The following UNC79 variants were observed in gnomAD, a reference collection of about 807,000 sequenced individuals.
UNC79 encodes the protein unc-79 subunit of NALCN channel complex.
A neutral mutation model predicts 283.1 loss-of-function variants in UNC79; 37 were observed. That is an observed-to-expected ratio of 0.13 (90% CI 0.10 to 0.17). UNC79 has a LOEUF of 0.17. Among genes scored for constraint, UNC79 ranks in the 10% least tolerant of loss-of-function variants. UNC79 has a pLI of 1.00. For synonymous variants in UNC79, 1,107 were observed against 1,200.2 expected (o/e 0.92, Z 1.61); for missense variants, 2,272 against 3,211.1 (o/e 0.71, Z 7.07).
rs535235954 is a variant in UNC79 at position 93,695,890 on chromosome 14, C to CAAA, written c.7548+1496_7548+1498dup. 2.7e-3 allele frequency among the ~76,000 whole-genome samples: 105 copies of CAAA among 39,428 alleles called. 4 individuals are homozygous for CAAA. The highest frequency in any genetic ancestry group is 6.5e-3 in the African/African-American group (61 of 9,434). The allele number at this position is 39,428 out of a possible 152,430, so 25.9% of individuals were successfully genotyped here. ...TGGGCAACAGGATGAGACTTTGTCT[C>CAAA]AAAAAAAAAAAAAAAAAAAAGCAAA... is the stretch of plus-strand genomic sequence containing the variant. On this transcript the variant is annotated intron_variant, in intron 47 of 48. Coordinates refer to ENST00000555664, the Ensembl canonical transcript of UNC79.
chr14:93,398,119 TTG>T (rs2055035048), intron 1 of UNC79, among the ~76,000 whole-genome samples: 2 of 152,348 alleles, frequency 1.3e-5, no homozygotes, highest in Admixed American at 1.3e-4. Context: ...AAGAGCTTGG[TTG>T]TGTAGTAGTA....
chr14:93,646,395 G>A (rs374104081), intron 34 of UNC79, among the ~76,000 whole-genome samples: 1 of 152,174 alleles, frequency 6.6e-6, no homozygotes, highest in Non-Finnish European at 1.5e-5. Context: ...CCATGAAAAT[G>A]TCTAACTTGA....
chr14:93,544,091 T>C (rs2061494686), intron 14 of UNC79, among the ~76,000 whole-genome samples: 1 of 152,234 alleles, frequency 6.6e-6, no homozygotes, highest in Non-Finnish European at 1.5e-5. Flanking sequence ...GAAGGATTGA[T>C]GTGACATGCT....
At chr14:93,398,662 A>G (rs2055044906) in intron 1 of UNC79, among the ~76,000 whole-genome samples, 1 of 152,216 alleles carries the variant, frequency 6.6e-6, no homozygotes, top group African/African-American at 2.4e-5. Flanking sequence ...ATGAAGGATT[A>G]AATAATGCCA....
At position 93,664,012 on chromosome 14, in the gene UNC79, T is replaced by G. The variant is rs182147066; in HGVS notation, c.6636+1298T>G. Among the ~76,000 whole-genome samples the G allele has an allele frequency of 9.4e-4, 143 of 152,292 alleles. 1 individual carries two copies. Among genetic ancestry groups the G allele is most frequent in the African/African-American group, 3.3e-3 (139 of 41,568 alleles). On this transcript the variant is annotated intron_variant, in intron 40 of 48. Coordinates refer to ENST00000555664, the Ensembl canonical transcript of UNC79. ...TTCAAAATATTCATTACACAGGATA[T>G]CTCCTCATAATCCCTCATAACTTTA...
At chr14:93,413,441 G>T (rs1212261625) in intron 1 of UNC79, among the ~76,000 whole-genome samples, 1 of 150,226 alleles carries the variant, frequency 6.7e-6, no homozygotes, top group Non-Finnish European at 1.5e-5. Flanking sequence ...GGCCATTTGG[G>T]TTGGTTCCAA....
chr14:93,704,366 C>T (rs896991487), intron 47 of UNC79, among the ~76,000 whole-genome samples: 8 of 152,126 alleles, frequency 5.3e-5, no homozygotes, highest in African/African-American at 1.9e-4. Context: ...TGGTAGCTTT[C>T]GAGAGACAAT....
In UNC79 at chr14:93,473,988, T is replaced by C. The variant is rs1034556295; in HGVS notation, c.144-101T>C. On this transcript the variant is annotated intron_variant, in intron 2 of 48. Coordinates refer to ENST00000555664, the Ensembl canonical transcript of UNC79. ...CGTGGCAATTGCATCTTATGTGGAA[T>C]GTATCTGGTGTTTTATTATTTGTTT... The C allele has an allele frequency of 4.4e-6, 6 of 1,357,138 alleles. No individual in the cohort carries two copies. In the Admixed American group the frequency reaches 8.0e-5, roughly 18 times the overall value. The allele number at this position is 1,357,138 out of a possible 1,614,324, so 84.1% of individuals were successfully genotyped here. A position where few individuals can be genotyped will look rare whatever the true frequency, so the allele number is the denominator to read the frequency against.
chr14:93,643,141 G>A (rs960268032), intron 33 of UNC79, among the ~76,000 whole-genome samples: 6 of 152,280 alleles, frequency 3.9e-5, no homozygotes, highest in South Asian at 2.1e-4. Context: ...GCCTCCATCC[G>A]TGCCTAAGCA....
chr14:93,362,167 A>G (rs2054241395), intron 1 of UNC79, among the ~76,000 whole-genome samples: 1 of 152,070 alleles, frequency 6.6e-6, no homozygotes, highest in Non-Finnish European at 1.5e-5. Context: ...ATCGTGTCTC[A>G]CCAGGTTTTG....
chr14:93,580,083 C>T (rs1183124478), intron 18 of UNC79, 66 bp from the exon 19 acceptor site: 2 of 1,435,640 alleles, frequency 1.4e-6, no homozygotes, highest in Non-Finnish European at 9.4e-7. Flanking sequence ...ACAAATGGAC[C>T]AAACTCCTTC....
chr14:93,467,458 T>C lies in UNC79; in HGVS notation c.23-213T>C, dbSNP rs115140857. Among the ~76,000 whole-genome samples, 410 of 151,732 alleles carry C rather than the reference T, an allele frequency of 2.7e-3. 1 individual carries two copies. The highest frequency in any genetic ancestry group is 9.4e-3 in the African/African-American group (388 of 41,364). On this transcript the variant is annotated intron_variant, in intron 1 of 48. Transcript: ENST00000555664. Reference sequence around the variant, plus strand: ...GAATAATTTTGTGTGCCGAATACAATTAAAAGAAATTAAAAGTTTTTTTGT... The same window carrying C: ...GAATAATTTTGTGTGCCGAATACAACTAAAAGAAATTAAAAGTTTTTTTGT...
intron 20 of UNC79, among the ~76,000 whole-genome samples, chr14:93,586,004 C>G (rs552975092): frequency 8.4e-4 from 127 of 151,980 alleles, no homozygotes; most frequent in African/African-American, 2.9e-3. Context: ...TGCCGCAGCC[C>G]CCAAGTAGCT....
At chr14:93,380,145 T>C (rs1595408346) in intron 1 of UNC79, among the ~76,000 whole-genome samples, 2 of 152,184 alleles carry the variant, frequency 1.3e-5, no homozygotes, top group East Asian at 3.9e-4. Flanking sequence ...GCTCTCCTTA[T>C]TGGTGGGATG....
At chr14:93,581,544 A>T (rs2063814973) in intron 19 of UNC79, among the ~76,000 whole-genome samples, 1 of 120,492 alleles carries the variant, frequency 8.3e-6, no homozygotes, top group Non-Finnish European at 1.6e-5. Context: ...CCCAGGCTGG[A>T]GTACTGTGGT....
At chr14:93,659,155 G>A (rs1395848005) in intron 38 of UNC79, 38 bp from the exon 42 acceptor site, 2 of 1,516,586 alleles carry the variant, frequency 1.3e-6, no homozygotes, top group Admixed American at 1.9e-5. Flanking sequence ...ATATTAAGGT[G>A]GAAACTAATT....
At chr14:93,661,070 A>G (rs1027146788) in intron 39 of UNC79, among the ~76,000 whole-genome samples, 1 of 152,214 alleles carries the variant, frequency 6.6e-6, no homozygotes, top group African/African-American at 2.4e-5. Context: ...TCATTTTCAT[A>G]TCGATTAGAA....
In UNC79 at chr14:93,379,840, C is replaced by T. The variant is rs1208809561; in HGVS notation, c.-351+46317C>T. Among the ~76,000 whole-genome samples the T allele has an allele frequency of 2.6e-5, 4 of 152,014 alleles. No homozygotes were observed. The East Asian group carries it at 7.7e-4, about 29-fold the overall frequency. ...TCCATGTAACCAAAACCCATCTGTT[C>T]CCCAAAAGCTATTGAAATAAAATAA... On this transcript the variant is annotated intron_variant, in intron 1 of 49. Transcript: ENST00000256339.
At chr14:93,643,641 C>T in exon 34 of UNC79, 1 of 1,613,470 alleles carries the variant, frequency 6.2e-7, no homozygotes, top group Non-Finnish European at 8.5e-7. Flanking sequence ...CATTCATTCA[C>T]TTAAGCCCAG....
Sources: gnomAD v4.1 joint callset for allele counts (sites outside exome capture counted in the v4.1 genomes callset) on GRCh38, gnomAD v4.1.1 for gene constraint, MANE v1.5 for transcripts, NCBI Gene and HGNC (gene_info 2026-07-23, HGNC 2026-07-21) for gene names.